MACROD1: variants seen among roughly 807,000 people sequenced by gnomAD.
MACROD1 encodes ADP-ribose glycohydrolase MACROD1.
A neutral mutation model predicts 41.4 loss-of-function variants in MACROD1; 31 were observed. The observed-to-expected ratio is 0.75, with a 90% CI of 0.56 to 1.01. The LOEUF is 1.01. Among genes scored for constraint, MACROD1 ranks in the 50% least tolerant of loss-of-function variants. The pLI is 0.00. For missense variants in MACROD1, 473 were observed against 460.0 expected (o/e 1.03, Z -0.26); for synonymous variants, 252 against 203.4 (o/e 1.24, Z -2.03).
chr11:64,142,535 C>T (rs1046161522), intron 3 of MACROD1, among the ~76,000 whole-genome samples: 32 of 152,154 alleles, frequency 2.1e-4, no homozygotes, highest in Non-Finnish European at 1.2e-4. Context: ...TTCTGAGTGC[C>T]GCCCCCCAGC....
In MACROD1 at chr11:64,096,508, C is replaced by T. The variant is rs572237711; in HGVS notation, c.517+54731G>A. On this transcript the variant is annotated intron_variant, in intron 3 of 10. Transcript: ENST00000255681. The surrounding 1 kb of genome is among the most constrained non-coding windows in gnomAD (Gnocchi z 4.6). ...TCGGCTCACTGCAACCTCCGCCTTC[C>T]GGGTTCAAGCAATTCTCTTGCCTCA... Among the ~76,000 whole-genome samples the T allele has an allele frequency of 7.2e-5, 11 of 152,130 alleles. No individual in the cohort carries two copies. The East Asian group carries it at 7.7e-4, about 11-fold the overall frequency.
At chr11:64,093,457 T>C (rs1390495690) in intron 3 of MACROD1, among the ~76,000 whole-genome samples, 2 of 152,256 alleles carry the variant, frequency 1.3e-5, no homozygotes, top group African/African-American at 4.8e-5. Context: ...CTGCCTGGCA[T>C]CTCTGCCAGT....
chr11:64,100,470 C>A (rs148356716), intron 3 of MACROD1, among the ~76,000 whole-genome samples: 2 of 152,148 alleles, frequency 1.3e-5, no homozygotes, highest in Non-Finnish European at 2.9e-5. Context: ...CCTGTGGGAA[C>A]GGGGGAGGCC....
At chr11:64,051,898 C>G (rs1943702078) in intron 3 of MACROD1, among the ~76,000 whole-genome samples, 2 of 151,950 alleles carry the variant, frequency 1.3e-5, no homozygotes, top group African/African-American at 4.8e-5. Flanking sequence ...TTTCCTCTCT[C>G]GGGGGCTGCA....
intron 1 of MACROD1, among the ~76,000 whole-genome samples, chr11:64,158,255 G>A (rs942757135): frequency 1.3e-5 from 2 of 152,172 alleles, no homozygotes; most frequent in African/African-American, 4.8e-5. Flanking sequence ...GCCCCAGCAC[G>A]TGAGACAAGC....
In MACROD1 at chr11:64,153,153, T is replaced by C. The variant is rs548984583; in HGVS notation, c.299-760A>G. Among the ~76,000 whole-genome samples the C allele has an allele frequency of 9.9e-5, 15 of 152,190 alleles. No individual in the cohort carries two copies. The South Asian group carries it at 2.7e-3, about 27-fold the overall frequency. The stretch of plus-strand genomic sequence containing the variant: ...ACTGTCCCATGGGCTCCGCCTTCCC[T>C]TGGGGGTGGCACCAGGCACAGAAAC... On this transcript the variant is annotated intron_variant, in intron 1 of 10. Transcript: ENST00000255681.
chr11:64,157,402 T>A (rs985428405), intron 1 of MACROD1, among the ~76,000 whole-genome samples: 1 of 152,194 alleles, frequency 6.6e-6, no homozygotes, highest in East Asian at 1.9e-4. Flanking sequence ...CCTTGCCCCA[T>A]GAATTTCTAA....
At chr11:64,105,177 C>T (rs1478400013) in intron 3 of MACROD1, among the ~76,000 whole-genome samples, 3 of 152,236 alleles carry the variant, frequency 2.0e-5, no homozygotes, top group Non-Finnish European at 2.9e-5. Context: ...AGTGCGCCAG[C>T]CCGACAGCGG....
At chr11:64,088,151 A>T (rs1944427018) in intron 3 of MACROD1, among the ~76,000 whole-genome samples, 1 of 152,182 alleles carries the variant, frequency 6.6e-6, no homozygotes, top group South Asian at 2.1e-4. Flanking sequence ...CTCTGCAAAA[A>T]TAAAGTTGAA....
At chr11:64,006,454 G>A (rs1647417523) in intron 4 of MACROD1, among the ~76,000 whole-genome samples, 1 of 152,244 alleles carries the variant, frequency 6.6e-6, no homozygotes, top group Non-Finnish European at 1.5e-5. Flanking sequence ...GGTGCCCGGG[G>A]GAGAAGATGG....
chr11:64,086,018 TG>T (rs1391675087), intron 3 of MACROD1, among the ~76,000 whole-genome samples: 2 of 17,102 alleles, frequency 1.2e-4, no homozygotes, highest in Non-Finnish European at 2.5e-4. Flanking sequence ...GGAGGGAGGG[TG>T]GGGGTGGAGG....
At chr11:64,128,526 A>G (rs1207561077) in intron 3 of MACROD1, among the ~76,000 whole-genome samples, 1 of 152,010 alleles carries the variant, frequency 6.6e-6, no homozygotes, top group Non-Finnish European at 1.5e-5. Flanking sequence ...CTAGGAGGCA[A>G]TGGGGAAGGC....
chr11:64,084,159 C>A (rs551376986), intron 3 of MACROD1, among the ~76,000 whole-genome samples: 1 of 152,154 alleles, frequency 6.6e-6, no homozygotes, highest in African/African-American at 2.4e-5. Flanking sequence ...ATGGCACGCG[C>A]GCCTTCTGCA....
At chr11:64,092,155 G>A (rs889188144) in intron 3 of MACROD1, among the ~76,000 whole-genome samples, 4 of 152,196 alleles carry the variant, frequency 2.6e-5, no homozygotes, top group African/African-American at 9.7e-5. Flanking sequence ...GTGGCATCCC[G>A]AGTGGGTGGA....
intron 1 of MACROD1, among the ~76,000 whole-genome samples, chr11:64,157,041 TGGA>T (rs1945679416): frequency 7.2e-5 from 11 of 152,088 alleles, no homozygotes; most frequent in Admixed American, 7.2e-4. Flanking sequence ...TTGTTCCCCC[TGGA>T]GGAGAAACAG....
chr11:64,119,955 G>A (rs1260520335), intron 3 of MACROD1, among the ~76,000 whole-genome samples: 1 of 152,180 alleles, frequency 6.6e-6, no homozygotes, highest in African/African-American at 2.4e-5. Context: ...TCACTGTGCC[G>A]CTTGTTCTGC....
chr11:64,050,687 T>C (rs1943676749), intron 3 of MACROD1, among the ~76,000 whole-genome samples: 2 of 152,208 alleles, frequency 1.3e-5, no homozygotes, highest in African/African-American at 4.8e-5. Flanking sequence ...GGCGCGATCA[T>C]GGCTCACTGC....
chr11:64,164,716 C>CA (rs1203459291), intron 1 of MACROD1, among the ~76,000 whole-genome samples: 1 of 152,244 alleles, frequency 6.6e-6, no homozygotes, highest in Non-Finnish European at 1.5e-5. Flanking sequence ...CAGGACCCCC[C>CA]CATCCTGCCT....
rs139116047 is a variant in MACROD1 at position 64,099,507 on chromosome 11, C to T, written c.517+51732G>A. On this transcript the variant is annotated intron_variant, in intron 3 of 10. Transcript: ENST00000255681. Reference sequence around the variant, plus strand: ...AGAGACGGATGGATGAATGGACAGACGGATAGATGGAGAAATGGATGGATG... The same window carrying T: ...AGAGACGGATGGATGAATGGACAGATGGATAGATGGAGAAATGGATGGATG... Among the ~76,000 whole-genome samples, 123 of 151,374 alleles carry T rather than the reference C, an allele frequency of 8.1e-4. 1 individual carries two copies. Among genetic ancestry groups the T allele is most frequent in the African/African-American group, 2.7e-3 (110 of 41,210 alleles).
Sources: gnomAD v4.1 joint callset for allele counts (sites outside exome capture counted in the v4.1 genomes callset) on GRCh38, gnomAD v4.1.1 for gene constraint, Gnocchi (gnomAD v3.1) non-coding constraint, MANE v1.5 for transcripts, NCBI Gene and HGNC (gene_info 2026-07-23, HGNC 2026-07-21) for gene names.